SAMD5: variants seen among roughly 807,000 people sequenced by gnomAD.
SAMD5 encodes the protein sterile alpha motif domain-containing protein 5.
A neutral mutation model predicts 11.3 loss-of-function variants in SAMD5; 13 were observed. That is an observed-to-expected ratio of 1.15 (90% CI 0.75 to 1.83). The LOEUF (loss-of-function observed/expected upper bound fraction) is 1.83. Among genes scored for constraint, SAMD5 ranks in the 40% most tolerant of loss-of-function variants. The probability of loss-of-function intolerance (pLI) is 0.00; values close to 1 mark genes in which losing one functional copy is unlikely to be tolerated. For missense variants in SAMD5, 255 were observed against 239.1 expected (o/e 1.07, Z -0.44); for synonymous variants, 129 against 111.3 (o/e 1.16, Z -1.00).
the SAMD5 span, among the ~76,000 whole-genome samples, chr6:147,874,862 G>T: frequency 1.3e-5 from 2 of 151,990 alleles, no homozygotes. Flanking sequence ...GACAAATTAC[G>T]TCTGTGGGAT....
At chr6:147,631,108 AG>A (rs1790143792) in intron 1 of SAMD5, among the ~76,000 whole-genome samples, 1 of 152,122 alleles carries the variant, frequency 6.6e-6, no homozygotes, top group Admixed American at 6.5e-5. Flanking sequence ...ATGGGAACCT[AG>A]AGTGGGAGAG....
chr6:147,890,752 A>C, the SAMD5 span, among the ~76,000 whole-genome samples: 1 of 145,646 alleles, frequency 6.9e-6, no homozygotes, highest in Non-Finnish European at 1.6e-5. Flanking sequence ...ATATTTGGAT[A>C]GTTTTTTTTT....
chr6:147,841,714 C>T, the SAMD5 span, among the ~76,000 whole-genome samples: 9 of 151,376 alleles, frequency 5.9e-5, no homozygotes, highest in Non-Finnish European at 1.0e-4. Context: ...TAGCATGTCA[C>T]ACTAGTTAAG....
intron 1 of SAMD5, among the ~76,000 whole-genome samples, chr6:147,642,553 C>A (rs764912742): frequency 6.6e-6 from 1 of 152,282 alleles, no homozygotes; most frequent in East Asian, 1.9e-4. Context: ...ATTCAAACTG[C>A]GAGTTCGTCA....
At chr6:147,629,273 T>C (rs572314337) in intron 1 of SAMD5, among the ~76,000 whole-genome samples, 2 of 152,114 alleles carry the variant, frequency 1.3e-5, no homozygotes, top group South Asian at 4.2e-4. Flanking sequence ...ATTGTGTCAT[T>C]GCACTCCAGC....
At chr6:147,732,277 G>C (rs1215262800) in intron 1 of SAMD5, among the ~76,000 whole-genome samples, 1 of 152,130 alleles carries the variant, frequency 6.6e-6, no homozygotes, top group African/African-American at 2.4e-5. Context: ...CGTCTTGAAA[G>C]GAGCAATACT....
chr6:147,938,230 G>A, the SAMD5 span, among the ~76,000 whole-genome samples: 5 of 150,616 alleles, frequency 3.3e-5, no homozygotes, highest in Non-Finnish European at 7.4e-5. Context: ...CTAGCCAGCT[G>A]TTTTGATGAC....
At chr6:147,669,129 T>C (rs1790761270) in intron 1 of SAMD5, among the ~76,000 whole-genome samples, 1 of 152,170 alleles carries the variant, frequency 6.6e-6, no homozygotes, top group African/African-American at 2.4e-5. Flanking sequence ...CTTCCTTTCG[T>C]GAAAGACTTC....
At position 147,606,188 on chromosome 6, in the gene SAMD5, G is replaced by A. The variant is rs565758792; in HGVS notation, c.162+96801G>A. Among the ~76,000 whole-genome samples, 11 of 152,268 alleles carry A rather than the reference G, an allele frequency of 7.2e-5. 1 individual carries two copies. The South Asian group carries it at 1.5e-3, about 20-fold the overall frequency. On this transcript the variant is annotated intron_variant, in intron 1 of 1. Transcript: ENST00000566741. Reference sequence around the variant, plus strand: ...AGCCCAGACTAGATGACCCCATGGCGTGGGTGCAGTAGACAGGACCCAAGA... The same window carrying A: ...AGCCCAGACTAGATGACCCCATGGCATGGGTGCAGTAGACAGGACCCAAGA...
chr6:147,643,744 A>AGAAGGAAGGAAGGAAGGAAGGAAG (rs6149848), intron 1 of SAMD5, among the ~76,000 whole-genome samples: 13 of 116,070 alleles, frequency 1.1e-4, no homozygotes, highest in East Asian at 7.4e-4. Flanking sequence ...AGGGAAGGAA[A>AGAAGGAAGGAAGGAAGGAAGGAAG]GAAGGAAGGA....
intron 1 of SAMD5, among the ~76,000 whole-genome samples, chr6:147,627,077 A>G (rs941967051): frequency 6.6e-5 from 10 of 152,226 alleles, no homozygotes; most frequent in African/African-American, 9.6e-5. Flanking sequence ...ATTTACCTAA[A>G]GAGGAGAAGC....
chr6:147,704,036 C>G (rs1213659711), intron 1 of SAMD5, among the ~76,000 whole-genome samples: 1 of 152,080 alleles, frequency 6.6e-6, no homozygotes, highest in Non-Finnish European at 1.5e-5. Context: ...GCTGGGACTA[C>G]AGGCTCATGC....
At chr6:147,634,594 A>G (rs1335913654) in intron 1 of SAMD5, among the ~76,000 whole-genome samples, 1 of 152,198 alleles carries the variant, frequency 6.6e-6, no homozygotes, top group African/African-American at 2.4e-5. Context: ...CATTGTATGG[A>G]TATACCACAT....
In SAMD5 at chr6:147,568,625, T is replaced by C; in HGVS notation, c.*4169T>C. On this transcript the variant is annotated 3_prime_UTR_variant, in exon 2 of 2. Transcript: ENST00000367474. ...ACATCTTGTGCTTACAGTAAAGCCA[T>C]ATAGATGCACACATAGTGACTTTAT... 1 of 985,288 alleles carries C rather than the reference T, an allele frequency of 1.0e-6. No homozygotes were observed. Among genetic ancestry groups the C allele is most frequent in the Non-Finnish European group, 1.2e-6 (1 of 829,764 alleles). 61.0% of individuals were successfully genotyped at this position (985,288 alleles called of 1,614,324 possible).
At chr6:147,948,081 A>T in the SAMD5 span, among the ~76,000 whole-genome samples, 1 of 151,758 alleles carries the variant, frequency 6.6e-6, no homozygotes, top group Non-Finnish European at 1.5e-5. Flanking sequence ...CTTCTCAATA[A>T]CATTTTTATT....
At chr6:147,561,868 C>G (rs554495349) in intron 1 of SAMD5, among the ~76,000 whole-genome samples, 74 of 152,320 alleles carry the variant, frequency 4.9e-4, no homozygotes, top group African/African-American at 1.8e-3. Flanking sequence ...AGGGAAATCA[C>G]TGACGTTTCC....
the SAMD5 span, among the ~76,000 whole-genome samples, chr6:147,937,641 C>T: frequency 6.6e-6 from 1 of 152,180 alleles, no homozygotes; most frequent in Non-Finnish European, 1.5e-5. Context: ...ATGGTTCAAA[C>T]TACAGACAAC....
At chr6:147,917,281 T>C in the SAMD5 span, among the ~76,000 whole-genome samples, 1 of 145,888 alleles carries the variant, frequency 6.9e-6, no homozygotes, top group Non-Finnish European at 1.5e-5. Flanking sequence ...TCATTGTGGT[T>C]TTGATTTGCA....
intron 1 of SAMD5, among the ~76,000 whole-genome samples, chr6:147,615,970 G>T (rs1411915877): frequency 1.3e-5 from 2 of 152,042 alleles, no homozygotes; most frequent in Non-Finnish European, 2.9e-5. Context: ...GGAATGAGGA[G>T]TGGGTCACAT....
Sources: allele counts gnomAD v4.1 joint callset (sites outside exome capture counted in the v4.1 genomes callset), GRCh38; gene constraint gnomAD v4.1.1; transcripts MANE v1.5; gene names NCBI Gene and HGNC (gene_info 2026-07-23, HGNC 2026-07-21).